The following DLEC1 variants were observed in gnomAD, a reference collection of about 807,000 sequenced individuals.
DLEC1 encodes the protein DLEC1 cilia and flagella associated protein, also known as deleted in lung and esophageal cancer protein 1.
Under a neutral mutation model 198.1 loss-of-function variants are expected in DLEC1, and 146 were observed. The ratio of observed to expected loss-of-function variants is 0.74; its 90% CI spans 0.64 to 0.85. DLEC1 has a LOEUF of 0.85. Ranked by LOEUF, DLEC1 falls within the 40% of genes least tolerant of loss-of-function variation. DLEC1 has a pLI of 0.00. For missense variants in DLEC1, 2,233 were observed against 2,220.0 expected, an observed-to-expected ratio of 1.01 and a Z score of -0.12; for synonymous variants, 897 against 866.8, an observed-to-expected ratio of 1.03 and a Z score of -0.61.
chr3:38,078,316 G>A (rs1032099669), intron 6 of DLEC1, among the ~76,000 whole-genome samples: 3 of 152,250 alleles, frequency 2.0e-5, no homozygotes, highest in African/African-American at 7.2e-5. Flanking sequence ...AGCATAATTT[G>A]TGATTTTTAG....
chr3:38,086,389 C>G lies in DLEC1; in HGVS notation c.1572+12C>G. On this transcript the variant is annotated intron_variant, in intron 9 of 36. Coordinates refer to ENST00000308059, the MANE Select transcript of DLEC1 (RefSeq NM_007335.4). ...CACTAAGTTTCAAGGTGAGTGATCA[C>G]AGGTTGCTAACTGGAAAAATTACAA... 6.3e-7 allele frequency: 1 copy of G among 1,593,244 alleles called. No homozygotes were observed. Among genetic ancestry groups the G allele is most frequent in the Non-Finnish European group, 8.6e-7 (1 of 1,169,104 alleles).
At chr3:38,084,604 A>G (rs1698333030) in intron 7 of DLEC1, among the ~76,000 whole-genome samples, 3 of 10,692 alleles carry the variant, frequency 2.8e-4, no homozygotes, top group African/African-American at 7.7e-4. Context: ...TAGTAGTAGC[A>G]GTAGCAGTAG....
In DLEC1 at chr3:38,116,389, G is replaced by A. The variant is rs950188066; in HGVS notation, c.3857-64G>A. ...TCTCTGTCTGGGGGTATGAGGAGGA[G>A]GGGGCCCCGGGGGGTTGTCTGCTCC... On this transcript the variant is annotated intron_variant, in intron 27 of 36. Coordinates refer to ENST00000308059, the MANE Select transcript of DLEC1 (RefSeq NM_007335.4). The A allele has an allele frequency of 3.2e-6, 5 of 1,566,338 alleles. No individual in the cohort carries two copies. The East Asian group carries it at 1.1e-4, about 36-fold the overall frequency.
At chr3:38,101,680 A>ACCC (rs1409454391) in intron 19 of DLEC1, among the ~76,000 whole-genome samples, 6 of 152,134 alleles carry the variant, frequency 3.9e-5, no homozygotes, top group Non-Finnish European at 8.8e-5. Context: ...ACTAGCCATT[A>ACCC]CCCCACACTT....
At chr3:38,109,754 G>A (rs960472430) in intron 22 of DLEC1, 192 bp downstream of exon 22, 8 of 985,700 alleles carry the variant, frequency 8.1e-6, no homozygotes, top group African/African-American at 1.6e-5. Context: ...CCTGCCCTCT[G>A]TGTGGTCTCC....
chr3:38,113,840 A>G (rs529270612), intron 25 of DLEC1, among the ~76,000 whole-genome samples: 11 of 152,316 alleles, frequency 7.2e-5, no homozygotes, highest in Non-Finnish European at 1.5e-4. Context: ...CATGCTGCAG[A>G]GGTAGGATTG....
rs899738597 is a variant in DLEC1 at position 38,094,938 on chromosome 3, C to G, written c.1979C>G (p.Pro660Arg). The G allele has an allele frequency of 6.2e-7, 1 of 1,614,190 alleles. No homozygotes were observed. The highest frequency in any genetic ancestry group is 8.5e-7 in the Non-Finnish European group (1 of 1,180,044). The stretch of plus-strand genomic sequence containing the variant: ...AAGCCCAACCTGCAGCCCCTCATGC[C>G]TGGAGAAACCTTCAGCATGGACAGC... ...IMKPNLQPLMPGETFSMDSIK... is the reference protein window; with the variant it reads ...IMKPNLQPLMRGETFSMDSIK... The change falls in exon 13 of 37, where the codon CCT (proline) becomes CGT (arginine). Residue 660 changes from proline to arginine, a missense_variant. Physicochemically the swap from Pro to Arg is moderately radical, Grantham distance 103. Coordinates refer to ENST00000308059, the MANE Select transcript of DLEC1 (RefSeq NM_007335.4).
intron 6 of DLEC1, among the ~76,000 whole-genome samples, chr3:38,068,476 C>T (rs1485071558): frequency 6.6e-6 from 1 of 151,962 alleles, no homozygotes; most frequent in Non-Finnish European, 1.5e-5. Flanking sequence ...AGCAACCCAC[C>T]CGCCTCGGCT....
At chr3:38,121,859 T>C (rs1385430118) in intron 35 of DLEC1, 78 bp downstream of exon 35, 3 of 1,555,384 alleles carry the variant, frequency 1.9e-6, no homozygotes, top group Non-Finnish European at 2.6e-6. Context: ...AAGGGGCCCC[T>C]GTGCGCCGTC....
chr3:38,081,628 A>C (rs1252938648), intron 6 of DLEC1, among the ~76,000 whole-genome samples: 13 of 60,236 alleles, frequency 2.2e-4, no homozygotes, highest in Admixed American at 5.0e-4. Context: ...TGACCCCCCC[A>C]CCTCCCTCCC....
chr3:38,085,601 T>A (rs1698410669), intron 8 of DLEC1, among the ~76,000 whole-genome samples, 154 bp downstream of exon 8: 1 of 152,176 alleles, frequency 6.6e-6, no homozygotes. Context: ...TAGCAGCTTC[T>A]GTAGCCATCC....
At chr3:38,104,054 G>T (rs765929240) in intron 19 of DLEC1, among the ~76,000 whole-genome samples, 4 of 152,226 alleles carry the variant, frequency 2.6e-5, no homozygotes, top group Non-Finnish European at 4.4e-5. Context: ...ATGCAGCGTT[G>T]TCACAAACCT....
intron 3 of DLEC1, among the ~76,000 whole-genome samples, chr3:38,060,880 G>C (rs967960849): frequency 5.3e-5 from 8 of 151,830 alleles, no homozygotes; most frequent in African/African-American, 1.9e-4. Context: ...TTTTAGTAGA[G>C]AGGGGGTTTC....
At chr3:38,096,798 G>A (rs1699046676) in intron 15 of DLEC1, 61 bp downstream of exon 15, 2 of 1,523,874 alleles carry the variant, frequency 1.3e-6, no homozygotes, top group Non-Finnish European at 1.8e-6. Flanking sequence ...GAGTGCAAGT[G>A]TAGGGAGGAT....
chr3:38,116,310 G>T, intron 27 of DLEC1, 143 bp from the exon 28 acceptor site: 1 of 715,808 alleles, frequency 1.4e-6, no homozygotes, highest in East Asian at 2.7e-5. Context: ...CCTGGAAGTG[G>T]CATTAGAGAG....
chr3:38,051,099 C>A (rs564819027), intron 2 of DLEC1, among the ~76,000 whole-genome samples: 1 of 152,258 alleles, frequency 6.6e-6, no homozygotes, highest in South Asian at 2.1e-4. Context: ...TGGGGTTTCA[C>A]TGTGTTGCCC....
Position 38,059,819 on chromosome 3 carries a change from A to C in DLEC1, c.640A>C (p.Thr214Pro), listed in dbSNP as rs1320108392. The C allele has an allele frequency of 6.2e-7, 1 of 1,614,062 alleles. No individual in the cohort carries two copies. The highest frequency in any genetic ancestry group is 1.3e-5 in the African/African-American group (1 of 74,996). The change falls in exon 3 of 37, where the codon ACC (threonine) becomes CCC (proline). Residue 214 changes from threonine to proline, a missense_variant. Thr to Pro is a conservative substitution (Grantham distance 38). Coordinates refer to ENST00000308059, the MANE Select transcript of DLEC1 (RefSeq NM_007335.4). Reference protein sequence around the residue: ...HHLISPEDYYTDTVPFHSAPK... With the variant: ...HHLISPEDYYPDTVPFHSAPK... ...TTTGATCTCCCCAGAAGATTACTACACCGATACAGTGCCGTTTCACTCTGC... is the reference window on the plus strand; with the variant it reads ...TTTGATCTCCCCAGAAGATTACTACCCCGATACAGTGCCGTTTCACTCTGC...
chr3:38,081,297 T>C (rs1575162445), intron 6 of DLEC1, among the ~76,000 whole-genome samples: 3 of 140,896 alleles, frequency 2.1e-5, no homozygotes, highest in South Asian at 2.2e-4. Context: ...AAGCAGCCAT[T>C]GTCATCCTGG....
chr3:38,111,731 C>T lies in DLEC1; in HGVS notation c.3498C>T (p.Ala1166=). Residue 1166 remains alanine (A), a synonymous_variant, in exon 24 of 37, where the codon GCC becomes GCT. Coordinates refer to ENST00000308059, the MANE Select transcript of DLEC1 (RefSeq NM_007335.4). ...LKTVRMQEHL[A]KREQLDFMES... is the part of the protein sequence containing the mutation. ...CAGTGCGGATGCAAGAGCACCTGGC[C>T]AAGCGAGAGCAGCTGGGTAAGCGCC... 2 of 1,612,590 alleles carry T rather than the reference C, an allele frequency of 1.2e-6. No homozygotes were observed. The highest frequency in any genetic ancestry group is 1.7e-6 in the Non-Finnish European group (2 of 1,179,782).
Sources: allele counts gnomAD v4.1 joint callset (sites outside exome capture counted in the v4.1 genomes callset), GRCh38; gene constraint gnomAD v4.1.1; transcripts MANE v1.5; gene names NCBI Gene and HGNC (gene_info 2026-07-23, HGNC 2026-07-21).